The following PALM2AKAP2 variants were observed in gnomAD, a reference collection of about 807,000 sequenced individuals.
PALM2AKAP2 encodes PALM2-AKAP2 fusion protein.
In PALM2AKAP2, 37 loss-of-function variants were observed where a neutral mutation model predicts 71.5. The observed-to-expected ratio is 0.52, with a 90% CI of 0.40 to 0.68. The LOEUF (loss-of-function observed/expected upper bound fraction) is 0.68, where lower values mean the gene tolerates loss of function less well. Among genes scored for constraint, PALM2AKAP2 ranks in the 30% least tolerant of loss-of-function variants. PALM2AKAP2 has a pLI of 0.00. For synonymous variants in PALM2AKAP2, 468 were observed against 478.8 expected (o/e 0.98, Z 0.29); for missense variants, 1,224 against 1,191.8 (o/e 1.03, Z -0.40).
chr9:109,664,367 CT>C (rs1288634664), intron 1 of PALM2AKAP2, among the ~76,000 whole-genome samples: 2 of 152,148 alleles, frequency 1.3e-5, no homozygotes, highest in Non-Finnish European at 2.9e-5. Context: ...TTCAGGAGCT[CT>C]TGTAAGGCAG....
Position 110,135,164 on chromosome 9 carries a change from A to AAAAAATATATATAT in PALM2AKAP2, c.157-962_157-961insAAAATATATATATA. Reference sequence around the variant, plus strand: ...AACTCTGTCTCTACAAAAAAAAAAAAATATATAAATATATATATATATATA... The same window carrying AAAAAATATATATAT: ...AACTCTGTCTCTACAAAAAAAAAAAAAAAAATATATATATATATATAAATATATATATATATATA... On this transcript the variant is annotated intron_variant, in intron 1 of 3. Transcript: ENST00000374525. Among the ~76,000 whole-genome samples the AAAAAATATATATAT allele has an allele frequency of 5.8e-5, 3 of 51,730 alleles. No homozygotes were observed. In the East Asian group the frequency reaches 3.8e-3, roughly 65 times the overall value. 33.9% of individuals were successfully genotyped at this position (51,730 alleles called of 152,430 possible).
At chr9:109,848,553 T>C (rs898102192) in intron 1 of PALM2AKAP2, among the ~76,000 whole-genome samples, 1 of 152,140 alleles carries the variant, frequency 6.6e-6, no homozygotes, top group African/African-American at 2.4e-5. Context: ...CTGAGGGAAG[T>C]AGTCAGTTCT....
chr9:109,792,218 A>G (rs565558966), intron 1 of PALM2AKAP2, among the ~76,000 whole-genome samples: 1 of 152,328 alleles, frequency 6.6e-6, no homozygotes, highest in Non-Finnish European at 1.5e-5. Context: ...TGAACTCATC[A>G]GTTCTCTGTA....
At chr9:109,729,990 G>A (rs1039544902) in intron 1 of PALM2AKAP2, among the ~76,000 whole-genome samples, 17 of 152,218 alleles carry the variant, frequency 1.1e-4, no homozygotes, top group Non-Finnish European at 2.4e-4. Context: ...CATACAACAA[G>A]CGTGTACTAA....
chr9:109,741,113 G>C (rs920818580), intron 1 of PALM2AKAP2, among the ~76,000 whole-genome samples: 15 of 152,124 alleles, frequency 9.9e-5, no homozygotes, highest in Non-Finnish European at 5.9e-5. Flanking sequence ...ACCTCAGAAA[G>C]TTTATTTGTG....
At chr9:109,716,012 A>T (rs1280326662) in intron 1 of PALM2AKAP2, among the ~76,000 whole-genome samples, 3 of 152,324 alleles carry the variant, frequency 2.0e-5, no homozygotes, top group African/African-American at 4.8e-5. Flanking sequence ...CAGCTGGGAA[A>T]TCATAGAAGA....
At chr9:109,823,444 G>C (rs985587673) in intron 1 of PALM2AKAP2, among the ~76,000 whole-genome samples, 20 of 152,172 alleles carry the variant, frequency 1.3e-4, no homozygotes, top group African/African-American at 4.8e-4. Flanking sequence ...TTCTTAGCCT[G>C]TCTGAGTCTT....
intron 1 of PALM2AKAP2, among the ~76,000 whole-genome samples, chr9:109,646,994 G>A (rs1183844067): frequency 1.3e-5 from 2 of 152,182 alleles, no homozygotes; most frequent in Non-Finnish European, 2.9e-5. Context: ...AGTTTATGAA[G>A]TAAATATCCC....
chr9:109,742,219 C>T (rs2118687259), intron 1 of PALM2AKAP2, among the ~76,000 whole-genome samples: 1 of 151,334 alleles, frequency 6.6e-6, no homozygotes, highest in East Asian at 2.0e-4. Flanking sequence ...CATGTATGTA[C>T]TCACATGTAC....
At chr9:110,085,954 A>T (rs1168281823) in intron 1 of PALM2AKAP2, among the ~76,000 whole-genome samples, 2 of 152,094 alleles carry the variant, frequency 1.3e-5, no homozygotes, top group African/African-American at 2.4e-5. Flanking sequence ...TAAAAATACA[A>T]AAATTACCTG....
At chr9:109,935,013 C>T (rs1831190138) in intron 6 of PALM2AKAP2, among the ~76,000 whole-genome samples, 2 of 152,186 alleles carry the variant, frequency 1.3e-5, no homozygotes, top group Admixed American at 1.3e-4. Flanking sequence ...GGAACCACAG[C>T]AGGAAGTGGG....
chr9:109,995,980 C>T (rs1222761262), intron 6 of PALM2AKAP2, among the ~76,000 whole-genome samples: 1 of 152,190 alleles, frequency 6.6e-6, no homozygotes, highest in East Asian at 1.9e-4. Flanking sequence ...CTCCACTCTG[C>T]CTTCAGCCTA....
chr9:110,005,039 A>C (rs1462415199), intron 6 of PALM2AKAP2, among the ~76,000 whole-genome samples: 1 of 152,176 alleles, frequency 6.6e-6, no homozygotes, highest in Non-Finnish European at 1.5e-5. Flanking sequence ...CGTCAAAGTC[A>C]TTCTCTGTCC....
upstream of PALM2AKAP2, among the ~76,000 whole-genome samples, chr9:110,046,168 C>A (rs188078466): frequency 3.3e-5 from 5 of 152,262 alleles, no homozygotes; most frequent in East Asian, 9.6e-4. Context: ...TGCATGCAGC[C>A]ATTCATACTC....
At chr9:109,835,584 C>A (rs951437331) in intron 1 of PALM2AKAP2, among the ~76,000 whole-genome samples, 1 of 152,126 alleles carries the variant, frequency 6.6e-6, no homozygotes, top group Non-Finnish European at 1.5e-5. Flanking sequence ...GGCGAGGCAT[C>A]GCCTCACCCA....
At chr9:110,135,789 C>G (rs1404790000) in intron 1 of PALM2AKAP2, among the ~76,000 whole-genome samples, 1 of 152,178 alleles carries the variant, frequency 6.6e-6, no homozygotes, top group Non-Finnish European at 1.5e-5. Context: ...TTTTTGCAAT[C>G]CTATTAATAG....
intron 1 of PALM2AKAP2, among the ~76,000 whole-genome samples, chr9:110,052,322 C>CTTCG (rs1463538358): frequency 6.6e-6 from 1 of 152,230 alleles, no homozygotes; most frequent in East Asian, 1.9e-4. Flanking sequence ...CCCAGCAGCA[C>CTTCG]TTCGGGTAGC....
At chr9:109,828,443 G>A (rs1192014527) in intron 1 of PALM2AKAP2, among the ~76,000 whole-genome samples, 1 of 152,130 alleles carries the variant, frequency 6.6e-6, no homozygotes, top group Non-Finnish European at 1.5e-5. Flanking sequence ...GCACAATATT[G>A]TACAGCCTAG....
At chr9:110,134,668 TG>T (rs1835807188) in intron 1 of PALM2AKAP2, among the ~76,000 whole-genome samples, 1 of 152,220 alleles carries the variant, frequency 6.6e-6, no homozygotes, top group African/African-American at 2.4e-5. Flanking sequence ...TCCACTTTTT[TG>T]GGAAGGATTT....
Sources: gnomAD v4.1 joint callset for allele counts (sites outside exome capture counted in the v4.1 genomes callset) on GRCh38, gnomAD v4.1.1 for gene constraint, MANE v1.5 for transcripts, NCBI Gene and HGNC (gene_info 2026-07-23, HGNC 2026-07-21) for gene names.